GLIPR2: variants seen among roughly 807,000 people sequenced by gnomAD.
GLIPR2 encodes the protein GLI pathogenesis related 2, also known as Golgi-associated plant pathogenesis-related protein 1.
GLIPR2 carries 21 observed loss-of-function variants against 20.4 expected under a neutral mutation model. The ratio of observed to expected loss-of-function variants is 1.03; its 90% CI spans 0.73 to 1.48. GLIPR2 has a LOEUF of 1.48. Ranked by LOEUF, GLIPR2 falls within the 40% of genes most tolerant of loss-of-function variation. The pLI is 0.00. For synonymous variants in GLIPR2, 91 were observed against 80.5 expected, an observed-to-expected ratio of 1.13 and a Z score of -0.70; for missense variants, 205 against 200.1, an observed-to-expected ratio of 1.02 and a Z score of -0.15.
chr9:36,136,969 A>T lies in GLIPR2; in HGVS notation c.13+178A>T, dbSNP rs952414118. The T allele has an allele frequency of 7.5e-6, 5 of 662,944 alleles. No individual in the cohort carries two copies. Among genetic ancestry groups the T allele is most frequent in the Non-Finnish European group, 1.1e-5 (5 of 470,222 alleles). The allele number at this position is 662,944 out of a possible 1,614,324, so 41.1% of individuals were successfully genotyped here. On this transcript the variant is annotated intron_variant, in intron 1 of 4. Transcript: ENST00000377960. The surrounding 1 kb of genome is among the most constrained non-coding windows in gnomAD (Gnocchi z 4.3). ...TTCCGGGGAACCCGGGGGGAAGGCG[A>T]GCCCGAGGGAGGCCCCCGCCGGAGA...
chr9:36,145,634 C>T lies in GLIPR2; in HGVS notation c.14-2152C>T, dbSNP rs151033607. On this transcript the variant is annotated intron_variant, in intron 1 of 4. Transcript: ENST00000377960. ...TAATGTTAGATGGATGACAATGTTG[C>T]ATGGATAGATGTATGGAAGATATTA... 1.4e-3 allele frequency among the ~76,000 whole-genome samples: 218 copies of T among 152,062 alleles called. 1 individual carries two copies. Among genetic ancestry groups the T allele is most frequent in the African/African-American group, 5.1e-3 (212 of 41,456 alleles).
intron 4 of GLIPR2, among the ~76,000 whole-genome samples, chr9:36,156,850 C>T (rs1203960407): frequency 6.6e-6 from 1 of 152,210 alleles, no homozygotes; most frequent in Non-Finnish European, 1.5e-5. Context: ...CACCCCACCC[C>T]AACCATTGTT....
At chr9:36,159,071 A>C (rs1825951564) in intron 4 of GLIPR2, among the ~76,000 whole-genome samples, 1 of 152,226 alleles carries the variant, frequency 6.6e-6, no homozygotes, top group Non-Finnish European at 1.5e-5. Context: ...TCTCAAAAAA[A>C]AAAGAATTTA....
chr9:36,148,710 C>T (rs1274116017), intron 3 of GLIPR2, 60 bp downstream of exon 3: 31 of 1,150,372 alleles, frequency 2.7e-5, no homozygotes, highest in Non-Finnish European at 3.9e-5. Flanking sequence ...ACAAGTCCTC[C>T]TGAAATGCCT....
chr9:36,162,085 G>A (rs1340948513), intron 4 of GLIPR2: 5 of 465,286 alleles, frequency 1.1e-5, no homozygotes, highest in Non-Finnish European at 1.4e-5. Context: ...TGAGGCAGGA[G>A]AATCACTCGA....
rs1006903699 is a variant in GLIPR2, at chr9:36,153,139, A to G, written c.304+2190A>G. On this transcript the variant is annotated intron_variant, in intron 4 of 4. Coordinates refer to ENST00000377960, the MANE Select transcript of GLIPR2 (RefSeq NM_022343.4). ...CTCTGTCTCAAAAAAAAAAAAAAAA[A>G]AAAGAAAGTAGGGCTTTATTCTACC... Among the ~76,000 whole-genome samples the G allele has an allele frequency of 2.3e-3, 342 of 151,604 alleles. 1 individual carries two copies. Among genetic ancestry groups the G allele is most frequent in the African/African-American group, 6.6e-3 (273 of 41,414 alleles).
At chr9:36,151,826 G>A (rs897264362) in intron 4 of GLIPR2, among the ~76,000 whole-genome samples, 17 of 152,166 alleles carry the variant, frequency 1.1e-4, no homozygotes, top group African/African-American at 4.1e-4. Context: ...CCTCAAAACC[G>A]ACTCAGGCGT....
At chr9:36,153,528 C>T (rs1825696084) in intron 4 of GLIPR2, among the ~76,000 whole-genome samples, 1 of 152,182 alleles carries the variant, frequency 6.6e-6, no homozygotes, top group African/African-American at 2.4e-5. Context: ...CCCCCAGACC[C>T]TGTCTGCAAC....
Position 36,147,821 on chromosome 9 carries a change from C to A in GLIPR2, c.49C>A (p.His17Asn). ...GTTTCATAATGAGGTCCTGAAGGCCCACAATGAGTACCGGCAGAAGCACGG... is the reference window on the plus strand; with the variant it reads ...GTTTCATAATGAGGTCCTGAAGGCCAACAATGAGTACCGGCAGAAGCACGG... ...KQFHNEVLKA[H>N]NEYRQKHGVP... The change falls in exon 2 of 5, where the codon CAC becomes AAC. Residue 17 changes from histidine (H) to asparagine (N), a missense_variant. Physicochemically the swap from His to Asn is moderately conservative, Grantham distance 68. Transcript: ENST00000377960. 1 of 1,594,514 alleles carries A rather than the reference C, an allele frequency of 6.3e-7. No individual in the cohort carries two copies. Among genetic ancestry groups the A allele is most frequent in the Non-Finnish European group, 8.6e-7 (1 of 1,162,188 alleles).
intron 1 of GLIPR2, among the ~76,000 whole-genome samples, chr9:36,138,311 G>A (rs573211232): frequency 7.9e-5 from 12 of 151,678 alleles, no homozygotes; most frequent in South Asian, 2.1e-4. Flanking sequence ...TGCAACCTCC[G>A]CCTCCCAGGT....
intron 4 of GLIPR2, among the ~76,000 whole-genome samples, chr9:36,158,998 G>A (rs1587159969): frequency 6.6e-6 from 1 of 152,186 alleles, no homozygotes; most frequent in Admixed American, 6.5e-5. Context: ...ACAGGAGGCA[G>A]AGGTTGCAGT....
Position 36,150,913 on chromosome 9 carries a change from T to G in GLIPR2, c.268T>G (p.Tyr90Asp). ...TAGATGGTACAGTGAAATCAAGAAC[T>G]ATAACTTCCAGCAGCCTGGCTTCAC... Reference protein sequence around the residue: ...ADRWYSEIKNYNFQQPGFTSG... With the variant: ...ADRWYSEIKNDNFQQPGFTSG... The change falls in exon 4 of 5, where the codon TAT becomes GAT. Residue 90 changes from tyrosine to aspartate, a missense_variant. Physicochemically the swap from Tyr to Asp is radical, Grantham distance 160. Coordinates refer to ENST00000377960, the MANE Select transcript of GLIPR2 (RefSeq NM_022343.4). The G allele has an allele frequency of 1.2e-6, 2 of 1,613,898 alleles. No individual in the cohort carries two copies. Among genetic ancestry groups the G allele is most frequent in the Non-Finnish European group, 1.7e-6 (2 of 1,179,826 alleles).
chr9:36,162,779 G>GT lies in GLIPR2; in HGVS notation c.*269dup, dbSNP rs74320217. ...TTTGGATTGGGGGGAGGGGGGATCC[G>GT]TTTTTTTTTTTTAATTTTTTGTTAT... On this transcript the variant is annotated 3_prime_UTR_variant, in exon 5 of 5. Coordinates refer to ENST00000377960, the MANE Select transcript of GLIPR2 (RefSeq NM_022343.4). The GT allele has an allele frequency of 0.07, 25,662 of 365,472 alleles. 42 individuals are homozygous for GT. The highest frequency in any genetic ancestry group is 0.13 in the South Asian group (4,227 of 32,300). The allele number at this position is 365,472 out of a possible 1,614,324, so 22.6% of individuals were successfully genotyped here. A position where few individuals can be genotyped will look rare whatever the true frequency, so the allele number is the denominator to read the frequency against.
chr9:36,156,685 T>G (rs1825848063), intron 4 of GLIPR2, among the ~76,000 whole-genome samples: 1 of 152,148 alleles, frequency 6.6e-6, no homozygotes, highest in African/African-American at 2.4e-5. Context: ...CTGCCTGAGC[T>G]CCGCCTCCTG....
At chr9:36,157,668 G>T (rs1825891297) in intron 4 of GLIPR2, among the ~76,000 whole-genome samples, 1 of 148,542 alleles carries the variant, frequency 6.7e-6, no homozygotes, top group Non-Finnish European at 1.5e-5. Flanking sequence ...TTTTAAAGCT[G>T]AATAATATCT....
chr9:36,148,765 G>A, intron 3 of GLIPR2, 115 bp downstream of exon 3: 4 of 694,970 alleles, frequency 5.8e-6, no homozygotes, highest in Admixed American at 4.7e-5. Context: ...CCCAGGAAAG[G>A]AAAGAAAAAC....
rs1490640684 is a variant in GLIPR2, at chr9:36,162,931, C to T, written c.*409C>T. 1 of 455,158 alleles carries T rather than the reference C, an allele frequency of 2.2e-6. No individual in the cohort carries two copies. The highest frequency in any genetic ancestry group is 2.0e-5 in the African/African-American group (1 of 50,010). The allele number at this position is 455,158 out of a possible 1,614,324, so 28.2% of individuals were successfully genotyped here. On this transcript the variant is annotated 3_prime_UTR_variant, in exon 5 of 5. Transcript: ENST00000377960. ...TGTGATCTTCATGCGTCGTAATCTACTTTTGGTAGATAATTAAGATTATTA... is the reference window on the plus strand; with the variant it reads ...TGTGATCTTCATGCGTCGTAATCTATTTTTGGTAGATAATTAAGATTATTA...
rs1236380318 is a variant in GLIPR2, at chr9:36,159,160, T to C, written c.305-3202T>C. 3.3e-5 allele frequency among the ~76,000 whole-genome samples: 5 copies of C among 152,222 alleles called. No individual in the cohort carries two copies. The East Asian group carries it at 9.6e-4, about 29-fold the overall frequency. On this transcript the variant is annotated intron_variant, in intron 4 of 4. Transcript: ENST00000377960. Reference sequence around the variant, plus strand: ...GAGGAGATTTGGAAGCTAAGCTATATTCGTAGCTTGAAAGGACAAGCGAGT... The same window carrying C: ...GAGGAGATTTGGAAGCTAAGCTATACTCGTAGCTTGAAAGGACAAGCGAGT...
intron 1 of GLIPR2, among the ~76,000 whole-genome samples, chr9:36,145,341 T>G (rs1825277301): frequency 6.6e-6 from 1 of 152,232 alleles, no homozygotes; most frequent in South Asian, 2.1e-4. Context: ...CCATGTTAGG[T>G]TAATCTCCAA....
Sources: gnomAD v4.1 joint callset for allele counts (sites outside exome capture counted in the v4.1 genomes callset) on GRCh38, gnomAD v4.1.1 for gene constraint, Gnocchi (gnomAD v3.1) non-coding constraint, MANE v1.5 for transcripts, NCBI Gene and HGNC (gene_info 2026-07-23, HGNC 2026-07-21) for gene names.